Variants in FRMD5 observed in about 807,000 individuals in gnomAD.
The protein encoded by FRMD5 is FERM domain containing 5, also known as FERM domain-containing protein 5.
In FRMD5, 20 loss-of-function variants were observed where a neutral mutation model predicts 69.0. The ratio of observed to expected loss-of-function variants is 0.29; its 90% CI spans 0.20 to 0.42. The LOEUF (loss-of-function observed/expected upper bound fraction) is 0.42. FRMD5 is among the 10% of genes least tolerant of loss of function. The probability of loss-of-function intolerance (pLI) is 1.00; values close to 1 mark genes in which losing one functional copy is unlikely to be tolerated. For synonymous variants in FRMD5, 271 were observed against 260.1 expected, an observed-to-expected ratio of 1.04 and a Z score of -0.40; for missense variants, 595 against 708.6, an observed-to-expected ratio of 0.84 and a Z score of 1.82.
chr15:44,042,178 C>A (rs148755381), intron 1 of FRMD5, among the ~76,000 whole-genome samples: 2,232 of 152,238 alleles, frequency 0.015, 22 homozygotes, highest in Middle Eastern at 0.034. Flanking sequence ...ACTAGAAAAT[C>A]TAGAAGAAAT....
intron 1 of FRMD5, among the ~76,000 whole-genome samples, chr15:44,055,797 C>T (rs1028515943): frequency 1.3e-5 from 2 of 152,218 alleles, no homozygotes; most frequent in African/African-American, 4.8e-5. Flanking sequence ...TAACCTCTTT[C>T]AGCCTCAGTT....
chr15:44,143,063 G>C (rs575245136), intron 1 of FRMD5, among the ~76,000 whole-genome samples: 75 of 151,716 alleles, frequency 4.9e-4, no homozygotes, highest in Admixed American at 1.3e-3. Context: ...CTGCACTCCA[G>C]CTCGGGTGAC....
chr15:44,194,774 C>A, intron 1 of FRMD5, 179 bp downstream of exon 1: 1 of 689,564 alleles, frequency 1.5e-6, no homozygotes, highest in Non-Finnish European at 2.6e-6. Context: ...GGTGCCAGGG[C>A]TCCGGCAGGG....
intron 1 of FRMD5, among the ~76,000 whole-genome samples, chr15:43,972,624 C>T (rs945948505): frequency 6.6e-6 from 1 of 151,998 alleles, no homozygotes; most frequent in Non-Finnish European, 1.5e-5. Context: ...CAGTTGCCCC[C>T]TTGGCCGGGT....
chr15:43,994,038 T>C (rs1889810435), intron 1 of FRMD5, among the ~76,000 whole-genome samples: 2 of 152,200 alleles, frequency 1.3e-5, no homozygotes, highest in Admixed American at 1.3e-4. Flanking sequence ...ATTCAACCAT[T>C]CCATGCCTTC....
chr15:43,994,488 C>T (rs1007834631), intron 1 of FRMD5, among the ~76,000 whole-genome samples: 6 of 151,916 alleles, frequency 3.9e-5, no homozygotes, highest in Non-Finnish European at 8.8e-5. Context: ...ATTCTGTTGC[C>T]CAGCCTGGAG....
chr15:44,182,610 G>A (rs965922456), intron 1 of FRMD5, among the ~76,000 whole-genome samples: 6 of 152,050 alleles, frequency 3.9e-5, no homozygotes, highest in Non-Finnish European at 8.8e-5. Context: ...ACAGGTGTAA[G>A]CCACCGCATC....
intron 1 of FRMD5, among the ~76,000 whole-genome samples, chr15:44,052,155 T>C (rs1480031982): frequency 6.6e-6 from 1 of 152,216 alleles, no homozygotes; most frequent in African/African-American, 2.4e-5. Flanking sequence ...TTATAGCTTT[T>C]TCTAGTCTCT....
chr15:44,036,700 T>A (rs1891929053), intron 1 of FRMD5, among the ~76,000 whole-genome samples: 2 of 152,242 alleles, frequency 1.3e-5, no homozygotes, highest in African/African-American at 4.8e-5. Context: ...CTCTTGGATT[T>A]TTCTAATACA....
At chr15:44,059,939 C>A (rs752266318) in intron 1 of FRMD5, among the ~76,000 whole-genome samples, 9 of 152,194 alleles carry the variant, frequency 5.9e-5, no homozygotes, top group Non-Finnish European at 1.3e-4. Flanking sequence ...CAGATCAAGT[C>A]CCTGAACACC....
chr15:44,120,533 A>ATTT lies in FRMD5; in HGVS notation c.102+74417_102+74419dup, dbSNP rs397961745. Among the ~76,000 whole-genome samples, 379 of 137,814 alleles carry ATTT rather than the reference A, an allele frequency of 2.8e-3. 16 individuals are homozygous for ATTT. The highest frequency in any genetic ancestry group is 8.8e-3 in the African/African-American group (329 of 37,222). The allele number at this position is 137,814 out of a possible 152,430, so 90.4% of individuals were successfully genotyped here. ...AAGTAGGGATTATTGGGAAGAGTGG[A>ATTT]TTTTTTTTTTTTTTTTTTGAGACGG... On this transcript the variant is annotated intron_variant, in intron 1 of 13. Transcript: ENST00000417257.
intron 1 of FRMD5, among the ~76,000 whole-genome samples, chr15:44,177,126 A>G (rs1013869581): frequency 3.1e-4 from 47 of 152,260 alleles, no homozygotes; most frequent in African/African-American, 1.1e-3. Flanking sequence ...CTCGTGTGGT[A>G]ACAAAGAATT....
chr15:43,967,624 TA>T (rs994719690), intron 1 of FRMD5, among the ~76,000 whole-genome samples: 1 of 152,200 alleles, frequency 6.6e-6, no homozygotes, highest in Admixed American at 6.5e-5. Flanking sequence ...AACTGAGGTT[TA>T]AAGACCTGTG....
chr15:44,018,125 T>C (rs902257222), intron 1 of FRMD5, among the ~76,000 whole-genome samples: 6 of 152,318 alleles, frequency 3.9e-5, no homozygotes, highest in African/African-American at 1.4e-4. Flanking sequence ...TGTTATCTAC[T>C]TGAAATATTT....
intron 1 of FRMD5, among the ~76,000 whole-genome samples, chr15:44,043,798 G>A (rs1410442493): frequency 1.3e-5 from 2 of 152,128 alleles, no homozygotes; most frequent in Non-Finnish European, 2.9e-5. Flanking sequence ...AGACTTAAAT[G>A]TAAGACCTAA....
At chr15:44,184,520 C>T (rs994234602) in intron 1 of FRMD5, among the ~76,000 whole-genome samples, 1 of 152,136 alleles carries the variant, frequency 6.6e-6, no homozygotes, top group Non-Finnish European at 1.5e-5. Flanking sequence ...CATTTACATA[C>T]ACTATGAATG....
intron 1 of FRMD5, among the ~76,000 whole-genome samples, chr15:43,955,571 C>G (rs2090101802): frequency 6.6e-6 from 1 of 152,118 alleles, no homozygotes; most frequent in Admixed American, 6.5e-5. Context: ...TTGATGAAAG[C>G]CAACTGCTTT....
chr15:44,148,574 A>AT (rs937417741), intron 1 of FRMD5, among the ~76,000 whole-genome samples: 39 of 151,498 alleles, frequency 2.6e-4, no homozygotes, highest in East Asian at 1.6e-3. Flanking sequence ...CCCAACCTAC[A>AT]TTTTTTTTTA....
chr15:44,138,860 T>C (rs2077224116), intron 1 of FRMD5, among the ~76,000 whole-genome samples: 1 of 152,188 alleles, frequency 6.6e-6, no homozygotes. Context: ...ACAGATTATA[T>C]AATTCCATTT....
Sources: gnomAD v4.1 joint callset for allele counts (sites outside exome capture counted in the v4.1 genomes callset) on GRCh38, gnomAD v4.1.1 for gene constraint, MANE v1.5 for transcripts, NCBI Gene and HGNC (gene_info 2026-07-23, HGNC 2026-07-21) for gene names.